Variants in SCAPER observed in about 807,000 individuals in gnomAD.
The protein encoded by SCAPER is S-phase cyclin A associated protein in the ER.
A neutral mutation model predicts 182.2 loss-of-function variants in SCAPER; 98 were observed. The ratio of observed to expected loss-of-function variants is 0.54; its 90% CI spans 0.46 to 0.64. SCAPER has a LOEUF of 0.64. Ranked by LOEUF, SCAPER falls within the 30% of genes least tolerant of loss-of-function variation. The pLI is 0.00. For missense variants in SCAPER, 1,432 were observed against 1,690.0 expected (o/e 0.85, Z 2.68); for synonymous variants, 605 against 564.6 (o/e 1.07, Z -1.01).
At chr15:76,773,867 A>T (rs955708513) in intron 9 of SCAPER, among the ~76,000 whole-genome samples, 16 of 151,594 alleles carry the variant, frequency 1.1e-4, no homozygotes, top group South Asian at 2.1e-4. Context: ...TATGATATTT[A>T]AAAAAAAGCT....
intron 21 of SCAPER, among the ~76,000 whole-genome samples, chr15:76,650,796 T>A (rs2054970356): frequency 6.6e-6 from 1 of 152,070 alleles, no homozygotes. Context: ...TTAATATTTT[T>A]AAAGGGAATG....
chr15:76,571,602 C>T (rs1277189011), intron 23 of SCAPER, among the ~76,000 whole-genome samples: 3 of 152,064 alleles, frequency 2.0e-5, no homozygotes, highest in East Asian at 3.8e-4. Context: ...GTGTGTCAAG[C>T]GATAGTAGAA....
chr15:76,778,925 C>T (rs752177817), intron 8 of SCAPER, among the ~76,000 whole-genome samples: 1 of 151,864 alleles, frequency 6.6e-6, no homozygotes, highest in Non-Finnish European at 1.5e-5. Context: ...GCCATGCAAA[C>T]ATTAATAAAT....
intron 2 of SCAPER, among the ~76,000 whole-genome samples, chr15:76,882,458 C>T (rs946455708): frequency 1.3e-5 from 2 of 151,330 alleles, no homozygotes; most frequent in Non-Finnish European, 1.5e-5. Flanking sequence ...CCCTCTAAGA[C>T]CATTTTTCAA....
chr15:76,846,836 GCAAA>G (rs1266632495), intron 4 of SCAPER, among the ~76,000 whole-genome samples: 1 of 152,092 alleles, frequency 6.6e-6, no homozygotes, highest in Non-Finnish European at 1.5e-5. Flanking sequence ...ATATGATCCA[GCAAA>G]CCCACTGCTG....
intron 17 of SCAPER, among the ~76,000 whole-genome samples, chr15:76,712,205 C>T (rs2059623350): frequency 6.6e-6 from 1 of 152,270 alleles, no homozygotes; most frequent in South Asian, 2.1e-4. Flanking sequence ...ATCCTTTCCC[C>T]ATTGCTTCTT....
rs187953343 is a variant in SCAPER, at chr15:76,827,603, G to A, written c.393+14131C>T. Among the ~76,000 whole-genome samples the A allele has an allele frequency of 3.1e-3, 475 of 152,204 alleles. 5 individuals carry two copies. The highest frequency in any genetic ancestry group is 0.011 in the African/African-American group (454 of 41,546). Reference sequence around the variant, plus strand: ...ACACCAAAAAGATAACACTTCATCGGAGAGTAATAAGAGTCTTCAAAAATC... The same window carrying A: ...ACACCAAAAAGATAACACTTCATCGAAGAGTAATAAGAGTCTTCAAAAATC... On this transcript the variant is annotated intron_variant, in intron 5 of 31. Transcript: ENST00000563290.
At chr15:76,725,418 A>T (rs886759187) in intron 17 of SCAPER, among the ~76,000 whole-genome samples, 9 of 58,150 alleles carry the variant, frequency 1.5e-4, no homozygotes, top group African/African-American at 3.1e-4. Context: ...TGTATACATT[A>T]AAAAAAAAAA....
At chr15:76,821,727 G>A (rs945718551) in intron 5 of SCAPER, among the ~76,000 whole-genome samples, 6 of 151,974 alleles carry the variant, frequency 3.9e-5, no homozygotes, top group African/African-American at 9.7e-5. Context: ...GCCCAGGAGC[G>A]AGACTTCATC....
At chr15:76,349,956 C>T (rs1446882486) in intron 31 of SCAPER, 2 of 152,052 alleles carry the variant, frequency 1.3e-5, no homozygotes, top group Non-Finnish European at 2.9e-5. Flanking sequence ...AATGCTTATA[C>T]TTCTTAGTGG....
chr15:76,784,567 C>T (rs993184248), intron 8 of SCAPER, among the ~76,000 whole-genome samples: 5 of 152,148 alleles, frequency 3.3e-5, no homozygotes, highest in Admixed American at 6.5e-5. Context: ...AGAAAGAGCC[C>T]GCATTGTCAA....
intron 2 of SCAPER, among the ~76,000 whole-genome samples, chr15:76,881,021 T>C (rs1472536463): frequency 2.0e-5 from 3 of 152,172 alleles, no homozygotes; most frequent in Non-Finnish European, 2.9e-5. Context: ...TAAAAATAGA[T>C]TTACCATATT....
At chr15:76,706,060 G>T in intron 17 of SCAPER, 76 bp from the exon 18 acceptor site, 2 of 1,122,888 alleles carry the variant, frequency 1.8e-6, no homozygotes, top group South Asian at 1.5e-5. Flanking sequence ...AATACAATTA[G>T]GACACATAGG....
chr15:76,534,253 C>G (rs188228842), intron 23 of SCAPER, among the ~76,000 whole-genome samples: 20 of 152,342 alleles, frequency 1.3e-4, no homozygotes, highest in South Asian at 1.0e-3. Context: ...ATGTAAACAA[C>G]TGACATCATG....
chr15:76,547,793 TAATC>T (rs1289087593), intron 23 of SCAPER, among the ~76,000 whole-genome samples: 6 of 152,180 alleles, frequency 3.9e-5, no homozygotes, highest in Non-Finnish European at 8.8e-5. Context: ...TATTTTCCAA[TAATC>T]TATCTATTTG....
At chr15:76,503,051 T>C (rs2041276563) in intron 24 of SCAPER, among the ~76,000 whole-genome samples, 2 of 143,240 alleles carry the variant, frequency 1.4e-5, no homozygotes, top group African/African-American at 2.4e-5. Context: ...CGTTGAAGCC[T>C]ACCAGAAAAC....
At chr15:76,500,972 G>C (rs1379530448) in intron 24 of SCAPER, among the ~76,000 whole-genome samples, 1 of 151,766 alleles carries the variant, frequency 6.6e-6, no homozygotes, top group Non-Finnish European at 1.5e-5. Context: ...GAACCCAGGA[G>C]GCGCAAGTTA....
At chr15:76,845,795 A>G (rs1053964428) in intron 4 of SCAPER, among the ~76,000 whole-genome samples, 4 of 152,132 alleles carry the variant, frequency 2.6e-5, no homozygotes, top group Non-Finnish European at 5.9e-5. Context: ...ATTCAATACA[A>G]TCCCTATCAA....
At chr15:76,823,301 A>T (rs575748355) in intron 5 of SCAPER, among the ~76,000 whole-genome samples, 66 of 152,138 alleles carry the variant, frequency 4.3e-4, no homozygotes, top group Non-Finnish European at 7.2e-4. Context: ...TCTACTAAAA[A>T]TACAAAAAAT....
Sources: allele counts gnomAD v4.1 joint callset (sites outside exome capture counted in the v4.1 genomes callset), GRCh38; gene constraint gnomAD v4.1.1; transcripts MANE v1.5; gene names NCBI Gene and HGNC (gene_info 2026-07-23, HGNC 2026-07-21).